The following GRID2 variants were observed in gnomAD, a reference collection of about 807,000 sequenced individuals.
GRID2 encodes the protein glutamate receptor ionotropic, delta-2.
In GRID2, 33 loss-of-function variants were observed where a neutral mutation model predicts 114.8. That is an observed-to-expected ratio of 0.29 (90% CI 0.22 to 0.38). GRID2 has a LOEUF of 0.38. Among genes scored for constraint, GRID2 ranks in the 10% least tolerant of loss-of-function variants. The probability of loss-of-function intolerance (pLI) is 1.00; values close to 1 mark genes in which losing one functional copy is unlikely to be tolerated. For missense variants in GRID2, 1,184 were observed against 1,257.7 expected (o/e 0.94, Z 0.89); for synonymous variants, 505 against 449.9 (o/e 1.12, Z -1.55).
chr4:93,161,724 C>T (rs889776077), intron 4 of GRID2, among the ~76,000 whole-genome samples: 2 of 151,694 alleles, frequency 1.3e-5, no homozygotes, highest in Non-Finnish European at 2.9e-5. Flanking sequence ...CTATCATCTC[C>T]AATTCCAGTT....
intron 2 of GRID2, among the ~76,000 whole-genome samples, chr4:93,021,509 G>T (rs1485893466): frequency 6.8e-6 from 1 of 146,756 alleles, no homozygotes; most frequent in Non-Finnish European, 1.5e-5. Context: ...AAAAAAATAG[G>T]AAATTTTGGG....
chr4:93,464,001 A>AAAAAC (rs1376097042), intron 11 of GRID2, among the ~76,000 whole-genome samples: 2 of 151,730 alleles, frequency 1.3e-5, no homozygotes, highest in African/African-American at 4.8e-5. Context: ...AAACAAAAAC[A>AAAAAC]AAAACAAGCA....
intron 2 of GRID2, among the ~76,000 whole-genome samples, chr4:92,854,451 T>C (rs1278875192): frequency 1.3e-5 from 2 of 151,522 alleles, no homozygotes; most frequent in African/African-American, 4.9e-5. Flanking sequence ...GAACATAGAG[T>C]GATATTCTTA....
Position 92,564,152 on chromosome 4 carries a change from A to G in GRID2, c.89-25979A>G, listed in dbSNP as rs144606205. Among the ~76,000 whole-genome samples the G allele has an allele frequency of 1.7e-3, 258 of 152,164 alleles. 1 individual carries two copies. The highest frequency in any genetic ancestry group is 6.1e-3 in the African/African-American group (253 of 41,556). ...TTAGTCCTAGTCTATACACCAAATG[A>G]AATAAGAAATTATGTCTGTGGTATT... On this transcript the variant is annotated intron_variant, in intron 1 of 15. Coordinates refer to ENST00000282020, the MANE Select transcript of GRID2 (RefSeq NM_001510.4).
chr4:93,246,956 G>A lies in GRID2; in HGVS notation c.1245+8466G>A, dbSNP rs372087315. ...CACTGCAGAGTAGAGAAAATAACCCGTATCTGCTGATGTTTAGGGTTACTC... is the reference window on the plus strand; with the variant it reads ...CACTGCAGAGTAGAGAAAATAACCCATATCTGCTGATGTTTAGGGTTACTC... On this transcript the variant is annotated intron_variant, in intron 8 of 15. Coordinates refer to ENST00000282020, the MANE Select transcript of GRID2 (RefSeq NM_001510.4). 1.3e-3 allele frequency among the ~76,000 whole-genome samples: 192 copies of A among 152,212 alleles called. 3 individuals are homozygous for A. The highest frequency in any genetic ancestry group is 4.5e-3 in the African/African-American group (187 of 41,544).
intron 13 of GRID2, among the ~76,000 whole-genome samples, chr4:93,520,080 T>G (rs1415176226): frequency 1.3e-5 from 2 of 152,170 alleles, no homozygotes; most frequent in East Asian, 3.9e-4. Flanking sequence ...TCCCAGACCC[T>G]AAGAACTAGT....
At chr4:93,455,223 T>A (rs928846973) in intron 10 of GRID2, among the ~76,000 whole-genome samples, 2 of 152,080 alleles carry the variant, frequency 1.3e-5, no homozygotes, top group South Asian at 4.1e-4. Flanking sequence ...TAAAATGCCA[T>A]GTTGAAGTTT....
intron 2 of GRID2, among the ~76,000 whole-genome samples, chr4:92,716,232 A>G (rs1735540795): frequency 6.6e-6 from 1 of 152,186 alleles, no homozygotes; most frequent in Non-Finnish European, 1.5e-5. Context: ...TGAAAGTTAG[A>G]TCCTTCCATT....
At chr4:93,324,028 G>A (rs1171234072) in intron 8 of GRID2, among the ~76,000 whole-genome samples, 1 of 151,928 alleles carries the variant, frequency 6.6e-6, no homozygotes, top group Non-Finnish European at 1.5e-5. Context: ...TCCTGATTGA[G>A]TACCCTGTAT....
chr4:92,390,689 G>C (rs1471604219), intron 1 of GRID2, among the ~76,000 whole-genome samples: 2 of 152,122 alleles, frequency 1.3e-5, no homozygotes, highest in African/African-American at 2.4e-5. Context: ...CTTTGCTCCA[G>C]AGAGAAATTC....
chr4:92,520,036 G>A (rs1486982815), intron 1 of GRID2, among the ~76,000 whole-genome samples: 1 of 151,720 alleles, frequency 6.6e-6, no homozygotes, highest in Non-Finnish European at 1.5e-5. Flanking sequence ...GACCCTTTCA[G>A]TTTGACACAA....
At chr4:93,378,643 A>C (rs538875506) in intron 8 of GRID2, among the ~76,000 whole-genome samples, 5 of 152,214 alleles carry the variant, frequency 3.3e-5, no homozygotes, top group Admixed American at 3.3e-4. Context: ...GGAACTAGAG[A>C]TACTTCTCAG....
At chr4:92,870,267 G>GACACACACACACAC (rs370794678) in intron 2 of GRID2, among the ~76,000 whole-genome samples, 1 of 144,482 alleles carries the variant, frequency 6.9e-6, no homozygotes, top group African/African-American at 2.5e-5. Flanking sequence ...ACATTATACG[G>GACACACACACACAC]ACACACACAC....
intron 2 of GRID2, among the ~76,000 whole-genome samples, chr4:92,887,032 G>A (rs561496685): frequency 4.6e-5 from 7 of 152,228 alleles, no homozygotes; most frequent in African/African-American, 1.7e-4. Context: ...TTTCCTTGCT[G>A]TGTTTAACAT....
chr4:92,342,997 A>G (rs1484174304), intron 1 of GRID2, among the ~76,000 whole-genome samples: 2 of 152,224 alleles, frequency 1.3e-5, no homozygotes, highest in Non-Finnish European at 2.9e-5. Flanking sequence ...AAGTGAATGA[A>G]ATATATAATA....
chr4:93,449,550 G>T lies in GRID2; in HGVS notation c.1546-6112G>T, dbSNP rs1047472846. Among the ~76,000 whole-genome samples, 5 of 152,034 alleles carry T rather than the reference G, an allele frequency of 3.3e-5. No individual in the cohort carries two copies. The South Asian group carries it at 8.3e-4, about 25-fold the overall frequency. ...GTTTTTGATAGCATTAGCTATTCAGGATCAAATGAATATCTGATTAAATAT... is the reference window on the plus strand; with the variant it reads ...GTTTTTGATAGCATTAGCTATTCAGTATCAAATGAATATCTGATTAAATAT... On this transcript the variant is annotated intron_variant, in intron 10 of 15. Coordinates refer to ENST00000282020, the MANE Select transcript of GRID2 (RefSeq NM_001510.4).
intron 2 of GRID2, among the ~76,000 whole-genome samples, chr4:92,864,471 C>T (rs1403009482): frequency 6.6e-6 from 1 of 152,144 alleles, no homozygotes; most frequent in Non-Finnish European, 1.5e-5. Flanking sequence ...AACAGACATC[C>T]TTTATGGAAG....
chr4:93,024,350 G>T (rs1723680686), intron 2 of GRID2, among the ~76,000 whole-genome samples: 1 of 151,570 alleles, frequency 6.6e-6, no homozygotes, highest in Non-Finnish European at 1.5e-5. Flanking sequence ...GAAGTTGTAG[G>T]AATAGCTTAT....
chr4:93,742,127 T>A (rs1243171626), intron 14 of GRID2, among the ~76,000 whole-genome samples: 1 of 152,182 alleles, frequency 6.6e-6, no homozygotes, highest in African/African-American at 2.4e-5. Context: ...ACATTTTTAT[T>A]GTCAATGTCA....
Sources: allele counts gnomAD v4.1 joint callset (sites outside exome capture counted in the v4.1 genomes callset), GRCh38; gene constraint gnomAD v4.1.1; transcripts MANE v1.5; gene names NCBI Gene and HGNC (gene_info 2026-07-23, HGNC 2026-07-21).